TLE4: variants seen among roughly 807,000 people sequenced by gnomAD.
The protein encoded by TLE4 is transducin-like enhancer protein 4.
In TLE4, 8 loss-of-function variants were observed where a neutral mutation model predicts 92.8. That is an observed-to-expected ratio of 0.09 (90% CI 0.05 to 0.16). TLE4 has a LOEUF of 0.16. TLE4 is among the 10% of genes least tolerant of loss of function. TLE4 has a pLI of 1.00. For missense variants in TLE4, 675 were observed against 997.6 expected, an observed-to-expected ratio of 0.68 and a Z score of 4.36; for synonymous variants, 371 against 374.1, an observed-to-expected ratio of 0.99 and a Z score of 0.10.
chr9:79,688,906 C>T (rs1221342898), intron 8 of TLE4, among the ~76,000 whole-genome samples: 2 of 151,962 alleles, frequency 1.3e-5, no homozygotes, highest in Non-Finnish European at 2.9e-5. Flanking sequence ...ATGTGGAGGA[C>T]AACATATCTT....
chr9:79,572,502 C>G lies in TLE4; in HGVS notation c.-289C>G, dbSNP rs1564036397. On this transcript the variant is annotated 5_prime_UTR_variant, in exon 1 of 20. Transcript: ENST00000376552. ...GGCGCCGGGCTCGGCGGGTGCGCCT[C>G]GGCGGAGCGAACGTCGGAGCGTTGC... is the stretch of plus-strand genomic sequence containing the variant. 1 of 154,778 alleles carries G rather than the reference C, an allele frequency of 6.5e-6. No homozygotes were observed. Among genetic ancestry groups the G allele is most frequent in the Non-Finnish European group, 1.4e-5 (1 of 70,318 alleles). 9.6% of individuals were successfully genotyped at this position (154,778 alleles called of 1,614,324 possible).
rs894046706 is a variant in TLE4, at chr9:79,572,955, C to A, written c.45+120C>A. On this transcript the variant is annotated intron_variant, in intron 1 of 19. Transcript: ENST00000376552. ...CGTGGAGAGCCGCCCGAAATCGGCG[C>A]CCCGCGCCGGGAGCAGCCCGCCCGC... is the stretch of plus-strand genomic sequence containing the variant. 7.1e-6 allele frequency: 8 copies of A among 1,126,114 alleles called. No individual in the cohort carries two copies. In the African/African-American group the frequency reaches 1.2e-4, roughly 16 times the overall value. 69.8% of individuals were successfully genotyped at this position (1,126,114 alleles called of 1,614,324 possible).
chr9:79,607,861 A>G (rs2047447759), intron 4 of TLE4, among the ~76,000 whole-genome samples: 1 of 152,000 alleles, frequency 6.6e-6, no homozygotes, highest in Non-Finnish European at 1.5e-5. Context: ...CTTTTTGCTT[A>G]GGATTGTCTT....
At chr9:79,721,938 G>A (rs1301659270) in intron 17 of TLE4, 50 bp downstream of exon 17, 1 of 1,575,320 alleles carries the variant, frequency 6.3e-7, no homozygotes, top group Admixed American at 1.9e-5. Flanking sequence ...AGGCTGAGGT[G>A]GGCGGATCAC....
intron 4 of TLE4, among the ~76,000 whole-genome samples, chr9:79,577,633 T>C (rs1040774580): frequency 1.3e-5 from 2 of 152,214 alleles, no homozygotes; most frequent in Non-Finnish European, 2.9e-5. Context: ...AATTATCCCA[T>C]TACATTTCCT....
At chr9:79,679,759 G>GTT (rs2064084434) in intron 8 of TLE4, among the ~76,000 whole-genome samples, 1 of 151,928 alleles carries the variant, frequency 6.6e-6, no homozygotes, top group African/African-American at 2.4e-5. Context: ...GGTCTAACAT[G>GTT]TAAGTCTTTA....
At chr9:79,668,587 A>G (rs1478930606) in intron 8 of TLE4, among the ~76,000 whole-genome samples, 2 of 152,150 alleles carry the variant, frequency 1.3e-5, no homozygotes, top group East Asian at 1.9e-4. Context: ...GGTGGCTTGC[A>G]GGCCAAGAAT....
At chr9:79,710,515 A>AAC (rs1354977344) in intron 14 of TLE4, among the ~76,000 whole-genome samples, 2 of 152,096 alleles carry the variant, frequency 1.3e-5, no homozygotes, top group African/African-American at 2.4e-5. Flanking sequence ...CATGCCGTGT[A>AAC]TGTGCTGCCT....
At position 79,682,667 on chromosome 9, in the gene TLE4, T is replaced by C. The variant is rs2064969451; in HGVS notation, c.610-22116T>C. Among the ~76,000 whole-genome samples the C allele has an allele frequency of 2.6e-5, 4 of 152,284 alleles. No homozygotes were observed. In the South Asian group the frequency reaches 8.3e-4, roughly 32 times the overall value. Reference sequence around the variant, plus strand: ...CTAGGCTTAAATTAAGCCATGAAACTCAGTTGCCTGATGAAACTGAAGTTA... The same window carrying C: ...CTAGGCTTAAATTAAGCCATGAAACCCAGTTGCCTGATGAAACTGAAGTTA... On this transcript the variant is annotated intron_variant, in intron 8 of 19. Coordinates refer to ENST00000376552, the MANE Select transcript of TLE4 (RefSeq NM_007005.6).
At chr9:79,606,840 T>A (rs1012981177) in intron 4 of TLE4, among the ~76,000 whole-genome samples, 1 of 152,198 alleles carries the variant, frequency 6.6e-6, no homozygotes, top group African/African-American at 2.4e-5. Flanking sequence ...TAAACATATG[T>A]GTGCATGTGT....
chr9:79,722,279 G>A, intron 17 of TLE4, among the ~76,000 whole-genome samples, 172 bp from the exon 18 acceptor site: 1 of 152,190 alleles, frequency 6.6e-6, no homozygotes, highest in East Asian at 1.9e-4. Context: ...TAACCACTTT[G>A]AAGTCTCATT....
chr9:79,661,833 G>A (rs911716382), intron 8 of TLE4, among the ~76,000 whole-genome samples: 11 of 152,152 alleles, frequency 7.2e-5, no homozygotes, highest in African/African-American at 2.4e-4. Flanking sequence ...TAAAAACAGT[G>A]TAAGCTGAGA....
chr9:79,680,832 A>T (rs1012753198), intron 8 of TLE4, among the ~76,000 whole-genome samples: 3 of 152,224 alleles, frequency 2.0e-5, no homozygotes, highest in Non-Finnish European at 4.4e-5. Flanking sequence ...AGTTTTTAGC[A>T]TGAAGCGTTG....
intron 8 of TLE4, among the ~76,000 whole-genome samples, chr9:79,678,881 T>C (rs999113086): frequency 1.3e-5 from 2 of 152,078 alleles, no homozygotes; most frequent in African/African-American, 2.4e-5. Context: ...GTTTGGTTTT[T>C]TCTCCTTGTG....
At chr9:79,723,215 G>A (rs1449797831) in intron 19 of TLE4, among the ~76,000 whole-genome samples, 180 bp downstream of exon 19, 1 of 152,194 alleles carries the variant, frequency 6.6e-6, no homozygotes, top group African/African-American at 2.4e-5. Context: ...CGTGGAGCTG[G>A]GGATAGTCCC....
intron 6 of TLE4, among the ~76,000 whole-genome samples, chr9:79,640,955 A>G (rs974284360): frequency 1.3e-5 from 2 of 152,066 alleles, no homozygotes; most frequent in Admixed American, 1.3e-4. Flanking sequence ...AAATAGATTC[A>G]CTTGTATATG....
chr9:79,588,135 C>CGTGTGTGTGTGTGT lies in TLE4; in HGVS notation c.252+11973_252+11986dup, dbSNP rs71364418. On this transcript the variant is annotated intron_variant, in intron 4 of 19. Coordinates refer to ENST00000376552, the MANE Select transcript of TLE4 (RefSeq NM_007005.6). Reference sequence around the variant, plus strand: ...TGGTAAACTTCTTTGTTTATCCTTGCGTGTGTGTGTGTGTGTGTGTGTGTG... The same window carrying CGTGTGTGTGTGTGT: ...TGGTAAACTTCTTTGTTTATCCTTGCGTGTGTGTGTGTGTGTGTGTGTGTGTGTGTGTGTGTGTG... 9.0e-3 allele frequency among the ~76,000 whole-genome samples: 1,325 copies of CGTGTGTGTGTGTGT among 146,796 alleles called. 21 individuals carry two copies. Among genetic ancestry groups the CGTGTGTGTGTGTGT allele is most frequent in the African/African-American group, 0.023 (922 of 39,348 alleles).
At position 79,721,873 on chromosome 9, in the gene TLE4, C is replaced by T. The variant is rs533711745; in HGVS notation, c.1971C>T (p.His657=). The change falls in exon 17 of 20, where the codon CAC becomes CAT. Residue 657 remains histidine, a synonymous_variant. Transcript: ENST00000376552. ...GCGAGGGGCGGCAGCTGCAGCAGCA[C>T]GACTTCACCTCCCAGGTATGATCCG... ...DLREGRQLQQ[H]DFTSQIFSLG... is the part of the protein sequence containing the mutation. The T allele has an allele frequency of 5.1e-5, 83 of 1,613,302 alleles. No individual in the cohort carries two copies. The African/African-American group carries it at 5.3e-4, about 10-fold the overall frequency.
chr9:79,572,615 G>A lies in TLE4; in HGVS notation c.-176G>A. The A allele has an allele frequency of 3.3e-6, 1 of 303,300 alleles. No individual in the cohort carries two copies. The allele number at this position is 303,300 out of a possible 1,614,324, so 18.8% of individuals were successfully genotyped here. ...GCGGCCCGGCAGCCGGCACCCAGCCGCCGCCGCGCGTTCCTGCCGCCCGTG... is the reference window on the plus strand; with the variant it reads ...GCGGCCCGGCAGCCGGCACCCAGCCACCGCCGCGCGTTCCTGCCGCCCGTG... On this transcript the variant is annotated 5_prime_UTR_variant, in exon 1 of 20. Coordinates refer to ENST00000376552, the MANE Select transcript of TLE4 (RefSeq NM_007005.6).
Sources: gnomAD v4.1 joint callset for allele counts (sites outside exome capture counted in the v4.1 genomes callset) on GRCh38, gnomAD v4.1.1 for gene constraint, MANE v1.5 for transcripts, NCBI Gene and HGNC (gene_info 2026-07-23, HGNC 2026-07-21) for gene names.